Variants in TYW2 observed in about 807,000 individuals in gnomAD.
The protein encoded by TYW2 is tRNA wybutosine-synthesizing protein 2, also known as tRNA wybutosine-synthesizing protein 2 homolog.
the TYW2 span, chr8:124,452,028 C>T: frequency 6.2e-7 from 1 of 1,614,170 alleles, no homozygotes. Flanking sequence ...AGCAAATTAC[C>T]ACCAACCAAT....
the TYW2 span, chr8:124,451,496 C>T: frequency 1.2e-6 from 2 of 1,614,108 alleles, no homozygotes; most frequent in South Asian, 1.1e-5. Flanking sequence ...CCAGCAGTGA[C>T]ACTGCTGCTG....
At chr8:124,451,037 T>A in the TYW2 span, 1 of 1,614,148 alleles carries the variant, frequency 6.2e-7, no homozygotes, top group Non-Finnish European at 8.5e-7. Flanking sequence ...AGAGAATATC[T>A]CCAGAGGCAG....
At chr8:124,450,949 A>G in the TYW2 span, 1 of 1,613,972 alleles carries the variant, frequency 6.2e-7, no homozygotes, top group Non-Finnish European at 8.5e-7. Context: ...TGTGGTTGTT[A>G]GCAACATGGA....
the TYW2 span, chr8:124,451,026 C>T: frequency 6.2e-7 from 1 of 1,614,162 alleles, no homozygotes; most frequent in African/African-American, 1.3e-5. Context: ...CCCAGCGATA[C>T]AGAGAATATC....
chr8:124,451,888 G>T, the TYW2 span: 32 of 1,614,196 alleles, frequency 2.0e-5, no homozygotes, highest in African/African-American at 4.1e-4. Context: ...CTGGCCCATT[G>T]CCTGCCAAGT....
the TYW2 span, chr8:124,452,123 C>T: frequency 1.3e-5 from 21 of 1,614,236 alleles, no homozygotes; most frequent in Non-Finnish European, 1.8e-5. Context: ...GCAGAATCTG[C>T]AGAAACTCGA....
At chr8:124,451,602 G>T in the TYW2 span, 1 of 1,614,216 alleles carries the variant, frequency 6.2e-7, no homozygotes, top group South Asian at 1.1e-5. Flanking sequence ...TCACTGAGAA[G>T]CTTCGAGTGG....
the TYW2 span, chr8:124,452,137 G>A: frequency 4.3e-6 from 7 of 1,614,192 alleles, no homozygotes; most frequent in Admixed American, 1.7e-5. Context: ...AACTCGAATC[G>A]CCACTCTTCT....
the TYW2 span, chr8:124,450,994 G>A: frequency 6.2e-7 from 1 of 1,614,206 alleles, no homozygotes. Context: ...TGTTGTCGCA[G>A]TTGTGACTGA....
chr8:124,451,339 G>T, the TYW2 span: 1 of 1,614,152 alleles, frequency 6.2e-7, no homozygotes, highest in South Asian at 1.1e-5. Context: ...GCAACGGCAT[G>T]GTAATCTCTT....
At chr8:124,451,069 C>T in the TYW2 span, 2 of 1,614,138 alleles carry the variant, frequency 1.2e-6, no homozygotes, top group East Asian at 2.2e-5. Flanking sequence ...TACACAGCAC[C>T]GTGTGGAAAA....
chr8:124,450,992 C>T, the TYW2 span: 460 of 1,614,040 alleles, frequency 2.8e-4, no homozygotes, highest in Non-Finnish European at 3.7e-4. Context: ...GCTGTTGTCG[C>T]AGTTGTGACT....
chr8:124,450,855 C>A, the TYW2 span: 2 of 1,524,668 alleles, frequency 1.3e-6, no homozygotes, highest in Non-Finnish European at 1.8e-6. Flanking sequence ...GAGCTGCAGG[C>A]TACCTTATTT....
the TYW2 span, chr8:124,451,809 C>CA: frequency 1.5e-5 from 25 of 1,614,020 alleles, no homozygotes; most frequent in Non-Finnish European, 2.0e-5. Flanking sequence ...TTGGAGATAA[C>CA]AGAAAACTGA....
chr8:124,450,843 G>C, the TYW2 span: 51 of 1,487,506 alleles, frequency 3.4e-5, no homozygotes, highest in Admixed American at 4.7e-4. Context: ...GCATGGCCGG[G>C]TGAGCTGCAG....
the TYW2 span, chr8:124,451,370 T>C: frequency 6.2e-7 from 1 of 1,614,104 alleles, no homozygotes; most frequent in Non-Finnish European, 8.5e-7. Context: ...GAAGACTGTT[T>C]CCAAGCCAAG....
At chr8:124,452,388 T>C in the TYW2 span, 1 of 1,069,168 alleles carries the variant, frequency 9.4e-7, no homozygotes, top group Middle Eastern at 3.1e-4. Context: ...TTTCATATTT[T>C]ATAGCCCTGA....
At chr8:124,452,187 G>T in the TYW2 span, 1 of 1,614,198 alleles carries the variant, frequency 6.2e-7, no homozygotes, top group Non-Finnish European at 8.5e-7. Context: ...CACAAATTCT[G>T]CACATCCAAC....
At chr8:124,451,561 G>A in the TYW2 span, 1 of 1,614,204 alleles carries the variant, frequency 6.2e-7, no homozygotes, top group Non-Finnish European at 8.5e-7. Flanking sequence ...TAAGTTTGAC[G>A]TGACCCAGTG....
Sources: allele counts gnomAD v4.1 joint callset, GRCh38; gene constraint gnomAD v4.1.1; transcripts MANE v1.5; gene names NCBI Gene and HGNC (gene_info 2026-07-23, HGNC 2026-07-21).